The following DLG2 variants were observed in gnomAD, a reference collection of about 807,000 sequenced individuals.
DLG2 encodes the protein disks large homolog 2.
DLG2 carries 45 observed loss-of-function variants against 132.5 expected under a neutral mutation model. The observed-to-expected ratio is 0.34, with a 90% CI of 0.27 to 0.44. DLG2 has a LOEUF of 0.44. Among genes scored for constraint, DLG2 ranks in the 20% least tolerant of loss-of-function variants. The pLI, the probability that DLG2 is intolerant of heterozygous loss-of-function variation, is 1.00. For synonymous variants in DLG2, 424 were observed against 419.6 expected, an observed-to-expected ratio of 1.01 and a Z score of -0.13; for missense variants, 1,045 against 1,196.9, an observed-to-expected ratio of 0.87 and a Z score of 1.87.
At chr11:84,438,089 A>G (rs2099006410) in intron 7 of DLG2, among the ~76,000 whole-genome samples, 1 of 152,118 alleles carries the variant, frequency 6.6e-6, no homozygotes, top group Non-Finnish European at 1.5e-5. Context: ...AATCCCACTC[A>G]TATCCTCCAA....
At chr11:83,942,611 A>T (rs1236382874) in intron 14 of DLG2, among the ~76,000 whole-genome samples, 2 of 152,228 alleles carry the variant, frequency 1.3e-5, no homozygotes, top group Admixed American at 1.3e-4. Flanking sequence ...CCAATTTTGT[A>T]AGAGGCATAT....
intron 21 of DLG2, among the ~76,000 whole-genome samples, chr11:83,529,262 C>A (rs1450213449): frequency 6.6e-6 from 1 of 152,146 alleles, no homozygotes; most frequent in Non-Finnish European, 1.5e-5. Context: ...TTCCTGTAGT[C>A]CTTGCCTTTA....
intron 11 of DLG2, among the ~76,000 whole-genome samples, chr11:84,031,232 TAAAA>T (rs34137957): frequency 2.2e-5 from 3 of 138,634 alleles, no homozygotes; most frequent in Non-Finnish European, 1.5e-5. Context: ...TCCAGAAAGG[TAAAA>T]AAAAAAAAAA....
chr11:84,087,725 A>C (rs150211010), intron 10 of DLG2, among the ~76,000 whole-genome samples: 1 of 152,316 alleles, frequency 6.6e-6, no homozygotes, highest in Admixed American at 6.5e-5. Context: ...TGGATGGAGA[A>C]AAGGGTTATG....
chr11:85,321,409 G>C (rs570773159), intron 3 of DLG2, among the ~76,000 whole-genome samples: 4 of 151,926 alleles, frequency 2.6e-5, no homozygotes, highest in East Asian at 1.9e-4. Context: ...CTTATAACTA[G>C]AGATATAAAT....
intron 7 of DLG2, among the ~76,000 whole-genome samples, chr11:84,422,126 T>C (rs764229062): frequency 3.9e-4 from 60 of 152,248 alleles, no homozygotes; most frequent in Non-Finnish European, 7.5e-4. Flanking sequence ...GGGCAAATTA[T>C]GTCTCTTTTA....
chr11:84,076,153 A>G (rs2096827604), intron 10 of DLG2, among the ~76,000 whole-genome samples: 1 of 152,172 alleles, frequency 6.6e-6, no homozygotes, highest in South Asian at 2.1e-4. Context: ...AACTTTATGT[A>G]GACTGTATGA....
At chr11:83,915,439 A>G (rs2076764285) in intron 15 of DLG2, among the ~76,000 whole-genome samples, 1 of 152,164 alleles carries the variant, frequency 6.6e-6, no homozygotes, top group African/African-American at 2.4e-5. Flanking sequence ...ATAGAAATAA[A>G]AATACCTACT....
chr11:84,289,773 G>A (rs2097961095), intron 7 of DLG2, among the ~76,000 whole-genome samples: 1 of 152,162 alleles, frequency 6.6e-6, no homozygotes, highest in Non-Finnish European at 1.5e-5. Flanking sequence ...AAGACTAAAT[G>A]CAAACTGCAA....
chr11:84,159,949 T>C (rs1195827940), intron 9 of DLG2, among the ~76,000 whole-genome samples: 2 of 152,136 alleles, frequency 1.3e-5, no homozygotes, highest in African/African-American at 2.4e-5. Flanking sequence ...ATAAATAATA[T>C]GGGAAATGAT....
chr11:84,336,763 T>A (rs968091436), intron 7 of DLG2, among the ~76,000 whole-genome samples: 1 of 152,162 alleles, frequency 6.6e-6, no homozygotes, highest in Non-Finnish European at 1.5e-5. Context: ...TATGTACCTC[T>A]TCTGGGTTCA....
chr11:84,965,645 G>T (rs926208746), intron 6 of DLG2, among the ~76,000 whole-genome samples: 1 of 151,986 alleles, frequency 6.6e-6, no homozygotes, highest in South Asian at 2.1e-4. Flanking sequence ...ATGGGCCTAC[G>T]GAAAGTGAGG....
intron 3 of DLG2, among the ~76,000 whole-genome samples, chr11:85,597,606 G>C (rs1371841357): frequency 6.6e-6 from 1 of 151,604 alleles, no homozygotes; most frequent in Non-Finnish European, 1.5e-5. Flanking sequence ...TCAATAGACC[G>C]ATTTTCAAAT....
intron 11 of DLG2, among the ~76,000 whole-genome samples, chr11:84,042,155 T>C (rs191357476): frequency 1.3e-5 from 2 of 152,132 alleles, no homozygotes; most frequent in East Asian, 1.9e-4. Flanking sequence ...TTTTTAAAGA[T>C]AGATGTCCAG....
At chr11:85,052,407 C>T (rs2062990740) in intron 6 of DLG2, among the ~76,000 whole-genome samples, 2 of 152,040 alleles carry the variant, frequency 1.3e-5, no homozygotes, top group South Asian at 2.1e-4. Context: ...TATTAACTGA[C>T]AAAAGAATTT....
At chr11:84,064,551 T>A (rs1295075511) in intron 10 of DLG2, among the ~76,000 whole-genome samples, 1 of 152,180 alleles carries the variant, frequency 6.6e-6, no homozygotes, top group African/African-American at 2.4e-5. Flanking sequence ...ATAATGAGAT[T>A]GTTATTGACT....
chr11:85,414,286 A>G (rs150966624), intron 3 of DLG2, among the ~76,000 whole-genome samples: 2,169 of 152,128 alleles, frequency 0.014, 51 homozygotes, highest in African/African-American at 0.05. Context: ...TATCAGTTCT[A>G]GGAGCTTTCT....
intron 3 of DLG2, among the ~76,000 whole-genome samples, chr11:85,413,536 G>A (rs539080428): frequency 9.9e-5 from 15 of 151,992 alleles, no homozygotes; most frequent in East Asian, 1.9e-4. Context: ...TAGAGTTTCC[G>A]GTCTTAGATT....
In DLG2 at chr11:84,373,260, A is replaced by AAAC. The variant is rs1567448804; in HGVS notation, c.520-121970_520-121969insGTT. Among the ~76,000 whole-genome samples the AAAC allele has an allele frequency of 1.2e-3, 126 of 102,922 alleles. 6 individuals carry two copies. Among genetic ancestry groups the AAAC allele is most frequent in the African/African-American group, 4.2e-3 (122 of 29,372 alleles). The allele number at this position is 102,922 out of a possible 152,430, so 67.5% of individuals were successfully genotyped here. On this transcript the variant is annotated intron_variant, in intron 7 of 27. Coordinates refer to ENST00000376104, the MANE Select transcript of DLG2 (RefSeq NM_001142699.3). ...AATTAAGAAACAGTCAAAAAAAAAA[A>AAAC]AAAACAAAACAAAAAAAAAACCCAC... is the stretch of plus-strand genomic sequence containing the variant.
Sources: gnomAD v4.1 joint callset for allele counts (sites outside exome capture counted in the v4.1 genomes callset) on GRCh38, gnomAD v4.1.1 for gene constraint, MANE v1.5 for transcripts, NCBI Gene and HGNC (gene_info 2026-07-23, HGNC 2026-07-21) for gene names.